The following CTNNA3 variants were observed in gnomAD, a reference collection of about 807,000 sequenced individuals.
The protein encoded by CTNNA3 is catenin alpha 3, also known as catenin alpha-3.
Under a neutral mutation model 95.7 loss-of-function variants are expected in CTNNA3, and 76 were observed. The ratio of observed to expected loss-of-function variants is 0.79; its 90% confidence interval spans 0.66 to 0.96. The LOEUF is 0.96. CTNNA3 is among the 40% of genes least tolerant of loss of function. CTNNA3 has a pLI of 0.00. For missense variants in CTNNA3, 1,191 were observed against 1,089.8 expected, an observed-to-expected ratio of 1.09 and a Z score of -1.31; for synonymous variants, 431 against 374.4, an observed-to-expected ratio of 1.15 and a Z score of -1.74.
chr10:66,722,354 G>A (rs1848655498), intron 9 of CTNNA3, among the ~76,000 whole-genome samples: 1 of 149,790 alleles, frequency 6.7e-6, no homozygotes, highest in African/African-American at 2.4e-5. Flanking sequence ...CTCCAGACTG[G>A]ACGACAGAGC....
intron 9 of CTNNA3, among the ~76,000 whole-genome samples, chr10:66,762,413 G>T (rs1272663517): frequency 6.6e-6 from 1 of 151,998 alleles, no homozygotes; most frequent in Non-Finnish European, 1.5e-5. Flanking sequence ...TTGCATAATA[G>T]GTACTCAGCT....
intron 12 of CTNNA3, among the ~76,000 whole-genome samples, chr10:66,313,848 T>C (rs763303232): frequency 6.6e-6 from 1 of 152,180 alleles, no homozygotes; most frequent in Non-Finnish European, 1.5e-5. Context: ...CATTCTCTAA[T>C]AGCTACAAGA....
intron 9 of CTNNA3, among the ~76,000 whole-genome samples, chr10:66,693,697 C>G (rs1452012488): frequency 6.6e-6 from 1 of 152,062 alleles, no homozygotes; most frequent in Non-Finnish European, 1.5e-5. Context: ...CCAAAATTGA[C>G]CACATAGTTG....
At chr10:66,311,006 T>C (rs2092012939) in intron 12 of CTNNA3, among the ~76,000 whole-genome samples, 2 of 152,190 alleles carry the variant, frequency 1.3e-5, no homozygotes, top group African/African-American at 4.8e-5. Flanking sequence ...GTTGAATTAA[T>C]TCACTTTTTC....
intron 1 of CTNNA3, among the ~76,000 whole-genome samples, chr10:67,743,234 T>C (rs990782171): frequency 4.0e-5 from 6 of 151,162 alleles, no homozygotes; most frequent in African/African-American, 1.5e-4. Context: ...TTGATGAACA[T>C]TGATGCAAAA....
chr10:66,553,521 T>TC (rs1230921168), intron 10 of CTNNA3, among the ~76,000 whole-genome samples: 2 of 114,416 alleles, frequency 1.7e-5, no homozygotes, highest in South Asian at 3.3e-4. Context: ...ACTTTTCTTT[T>TC]TTTTTTTTTT....
intron 16 of CTNNA3, among the ~76,000 whole-genome samples, chr10:65,967,325 G>T (rs1056860048): frequency 2.6e-5 from 4 of 152,082 alleles, no homozygotes; most frequent in Admixed American, 2.0e-4. Context: ...TATGACAAAG[G>T]TTAGAAGCCT....
chr10:65,941,581 G>T (rs182384967), intron 17 of CTNNA3, among the ~76,000 whole-genome samples: 2 of 152,260 alleles, frequency 1.3e-5, no homozygotes, highest in East Asian at 3.9e-4. Context: ...TCAAAGACCT[G>T]TACTAGGGGT....
At chr10:66,178,269 T>C (rs1207168804) in intron 13 of CTNNA3, among the ~76,000 whole-genome samples, 6 of 150,658 alleles carry the variant, frequency 4.0e-5, no homozygotes, top group Non-Finnish European at 8.9e-5. Context: ...TTAAGTAAAA[T>C]ATACAATTAA....
At chr10:67,458,209 ATCT>A (rs1476642636) in intron 5 of CTNNA3, among the ~76,000 whole-genome samples, 14 of 152,224 alleles carry the variant, frequency 9.2e-5, no homozygotes, top group Middle Eastern at 3.4e-3. Flanking sequence ...CTGTGTGAAC[ATCT>A]TCTTCTTGGA....
At chr10:67,638,829 T>C (rs961320869) in intron 2 of CTNNA3, among the ~76,000 whole-genome samples, 2 of 152,106 alleles carry the variant, frequency 1.3e-5, no homozygotes, top group Admixed American at 6.6e-5. Flanking sequence ...AGATACAACA[T>C]ACCAGAATCT....
intron 5 of CTNNA3, among the ~76,000 whole-genome samples, chr10:67,505,483 A>T (rs957992836): frequency 6.6e-6 from 1 of 152,178 alleles, no homozygotes; most frequent in African/African-American, 2.4e-5. Context: ...GTAACTCCCA[A>T]TGTTTGGATG....
In CTNNA3 at chr10:66,188,584, A is replaced by AG. The variant is rs1554883543; in HGVS notation, c.1885-85336dup. Among the ~76,000 whole-genome samples the AG allele has an allele frequency of 7.3e-3, 442 of 60,228 alleles. 4 individuals are homozygous for AG. Among genetic ancestry groups the AG allele is most frequent in the African/African-American group, 0.037 (408 of 11,018 alleles). The allele number at this position is 60,228 out of a possible 152,430, so 39.5% of individuals were successfully genotyped here. On this transcript the variant is annotated intron_variant, in intron 13 of 17. Transcript: ENST00000433211. ...CCATTTTCTGTGTGTGTGTGGGGGGAGGGGGGGTCTCTGTGTGTGTGTGTG... is the reference window on the plus strand; with the variant it reads ...CCATTTTCTGTGTGTGTGTGGGGGGAGGGGGGGGTCTCTGTGTGTGTGTGTG...
intron 5 of CTNNA3, among the ~76,000 whole-genome samples, chr10:67,498,651 T>C (rs546272891): frequency 2.0e-5 from 3 of 152,314 alleles, no homozygotes; most frequent in African/African-American, 7.2e-5. Flanking sequence ...GTCCTTCACA[T>C]CCCTTGTAAG....
intron 13 of CTNNA3, among the ~76,000 whole-genome samples, chr10:66,111,572 G>A (rs1261560488): frequency 6.6e-6 from 1 of 152,222 alleles, no homozygotes. Flanking sequence ...TGGGAATCTT[G>A]AAGGAAATAA....
At chr10:67,736,694 T>A (rs3125313) in intron 1 of CTNNA3, among the ~76,000 whole-genome samples, 66,889 of 151,684 alleles carry the variant, frequency 0.44, 18,175 homozygotes, top group African/African-American at 0.78. Flanking sequence ...TGACCTCGTG[T>A]TCCACCCACC....
chr10:66,930,347 G>C (rs528725034), intron 7 of CTNNA3, among the ~76,000 whole-genome samples: 31 of 152,198 alleles, frequency 2.0e-4, no homozygotes, highest in African/African-American at 7.5e-4. Context: ...TAATAATGCA[G>C]ATACTTCCTC....
chr10:66,320,167 T>C (rs2092161353), intron 12 of CTNNA3, among the ~76,000 whole-genome samples: 1 of 152,116 alleles, frequency 6.6e-6, no homozygotes, highest in South Asian at 2.1e-4. Context: ...CTTATCACTA[T>C]CATCTTCATT....
chr10:66,482,697 G>A (rs1839581468), intron 11 of CTNNA3, among the ~76,000 whole-genome samples: 1 of 152,068 alleles, frequency 6.6e-6, no homozygotes, highest in Non-Finnish European at 1.5e-5. Flanking sequence ...GGACATCACA[G>A]TAGTCAAAAA....
Sources: allele counts gnomAD v4.1 joint callset (sites outside exome capture counted in the v4.1 genomes callset), GRCh38; gene constraint gnomAD v4.1.1; transcripts MANE v1.5; gene names NCBI Gene and HGNC (gene_info 2026-07-23, HGNC 2026-07-21).